Variants in A2M observed in about 807,000 individuals in gnomAD.
The protein encoded by A2M is C3 and PZP-like alpha-2-macroglobulin domain-containing protein 5.
Under a neutral mutation model 183.9 loss-of-function variants are expected in A2M, and 128 were observed. The observed-to-expected ratio is 0.70, with a 90% CI of 0.60 to 0.81. The LOEUF (loss-of-function observed/expected upper bound fraction) is 0.81. A2M is among the 30% of genes least tolerant of loss of function. The probability of loss-of-function intolerance (pLI) is 0.00; values close to 1 mark genes in which losing one functional copy is unlikely to be tolerated. For synonymous variants in A2M, 592 were observed against 670.8 expected (o/e 0.88, Z 1.81); for missense variants, 1,495 against 1,787.6 (o/e 0.84, Z 2.95).
intron 22 of A2M, among the ~76,000 whole-genome samples, chr12:9,083,680 G>A (rs1263412523): frequency 6.8e-6 from 1 of 146,668 alleles, no homozygotes; most frequent in Non-Finnish European, 1.5e-5. Flanking sequence ...TTGCATTAAA[G>A]AAAGTCCAGA....
intron 31 of A2M, among the ~76,000 whole-genome samples, chr12:9,070,896 C>T (rs1948553642): frequency 1.3e-5 from 2 of 151,600 alleles, no homozygotes; most frequent in African/African-American, 2.4e-5. Context: ...TTTCGGCTCA[C>T]CGCAACCTCC....
In A2M at chr12:9,072,797, C is replaced by T. The variant is rs1383603935; in HGVS notation, c.3831G>A (p.Gln1277=). 6.2e-7 allele frequency: 1 copy of T among 1,614,056 alleles called. No individual in the cohort carries two copies. The highest frequency in any genetic ancestry group is 1.3e-5 in the African/African-American group (1 of 74,912). ...ATGTCCCTGAAGACTGGATAGTCACCTGTGCAGCCTTCCCAGTCCTGGTAA... is the reference window on the plus strand; with the variant it reads ...ATGTCCCTGAAGACTGGATAGTCACTTGTGCAGCCTTCCCAGTCCTGGTAA... ...ATFTRTGKAA[Q]VTIQSSGTFS... is the part of the protein sequence containing the mutation. Residue 1277 remains glutamine (Q), a synonymous_variant, in exon 30 of 36, where the codon CAG becomes CAA. Transcript: ENST00000318602.
chr12:9,075,865 A>G (rs1277126030), intron 28 of A2M, among the ~76,000 whole-genome samples: 1 of 152,188 alleles, frequency 6.6e-6, no homozygotes, highest in Non-Finnish European at 1.5e-5. Flanking sequence ...TTCTTAATCT[A>G]TGAGAGAGTT....
chr12:9,074,487 T>C, intron 29 of A2M, 73 bp downstream of exon 29: 1 of 1,383,300 alleles, frequency 7.2e-7, no homozygotes. Flanking sequence ...TCTTCTTGGA[T>C]GTGTTTGTTT....
intron 35 of A2M, 47 bp from the exon 36 acceptor site, chr12:9,067,886 T>A: frequency 6.3e-7 from 1 of 1,576,694 alleles, no homozygotes; most frequent in Non-Finnish European, 8.7e-7. Context: ...TGGGTCTCCA[T>A]GAGCAGAGAG....
chr12:9,116,095 T>C (rs1939098868), upstream of A2M: 2 of 478,066 alleles, frequency 4.2e-6, no homozygotes, highest in Non-Finnish European at 7.8e-6. Context: ...CCTGGAGGGC[T>C]AAAACTACAT....
chr12:9,107,636 T>C lies in A2M; in HGVS notation c.767A>G (p.Tyr256Cys), dbSNP rs1480262373. 2.0e-5 allele frequency: 33 copies of C among 1,613,792 alleles called. No homozygotes were observed. The highest frequency in any genetic ancestry group is 3.3e-4 in the Middle Eastern group (2 of 6,082). The change falls in exon 8 of 36, where the codon TAT (tyrosine) becomes TGT (cysteine). Residue 256 changes from tyrosine to cysteine, a missense_variant. By Grantham distance (194) the Tyr-to-Cys change is radical (BLOSUM62 -2). Transcript: ENST00000318602. ...MNVSVCGLYT[Y>C]GKPVPGHVTV... ...CACATGTCCAGGGACAGGCTTCCCATATGTGTATCTGTCATGAGAACATTC... is the reference window on the plus strand; with the variant it reads ...CACATGTCCAGGGACAGGCTTCCCACATGTGTATCTGTCATGAGAACATTC...
rs775337439 is a variant in A2M at position 9,079,380 on chromosome 12, G to A, written c.3032-49C>T. 9 of 1,534,346 alleles carry A rather than the reference G, an allele frequency of 5.9e-6. 1 individual carries two copies. The South Asian group carries it at 6.8e-5, about 12-fold the overall frequency. On this transcript the variant is annotated intron_variant, in intron 24 of 35. Transcript: ENST00000318602. ...AGCACAATGGATTAATGTGCATGCT[G>A]AGGGTGGAGAAATTACTAAAAGTAC...
At position 9,115,779 on chromosome 12, in the gene A2M, G is replaced by C. The variant is rs1374264522; in HGVS notation, c.71C>G (p.Ser24Ter). 1.1e-5 allele frequency: 17 copies of C among 1,613,082 alleles called. No individual in the cohort carries two copies. The highest frequency in any genetic ancestry group is 1.1e-5 in the Non-Finnish European group (13 of 1,179,166). ...TGGAACTCACGGTTTTCCAGAGACT[G>C]AGGCGTCTGTGGGCAGGAGGACCAA... ...LLLVLLPTDA[S>*]VSGKPQYMVL... Residue 24 changes from serine to a stop codon, truncating the protein, a stop_gained, in exon 1 of 36, where the codon TCA becomes TGA. Transcript: ENST00000318602. LOFTEE classifies it high-confidence loss of function.
At chr12:9,071,832 T>C (rs1948590336) in intron 31 of A2M, among the ~76,000 whole-genome samples, 1 of 152,208 alleles carries the variant, frequency 6.6e-6, no homozygotes, top group African/African-American at 2.4e-5. Flanking sequence ...ACTTTTTTCC[T>C]GAATAGTATC....
At chr12:9,106,139 ATAACAT>A in intron 10 of A2M, 91 bp downstream of exon 10, 1 of 678,486 alleles carries the variant, frequency 1.5e-6, no homozygotes, top group East Asian at 2.6e-5. Context: ...ATATTAAATG[ATAACAT>A]TAACCAGGCA....
At chr12:9,082,658 G>A (rs776457695) in intron 22 of A2M, among the ~76,000 whole-genome samples, 1 of 152,200 alleles carries the variant, frequency 6.6e-6, no homozygotes, top group Non-Finnish European at 1.5e-5. Context: ...ATCAAGGAAT[G>A]ATGACACCTC....
chr12:9,096,498 C>T (rs1035331521), intron 15 of A2M, among the ~76,000 whole-genome samples: 14 of 152,132 alleles, frequency 9.2e-5, no homozygotes, highest in African/African-American at 1.7e-4. Context: ...CCACAGGACA[C>T]GATGGCATTT....
At chr12:9,099,264 G>GT in intron 14 of A2M, 117 bp downstream of exon 14, 1 of 936,042 alleles carries the variant, frequency 1.1e-6, no homozygotes, top group Non-Finnish European at 1.6e-6. Context: ...CTTGCTGAAT[G>GT]TCTCTGGGGA....
chr12:9,076,646 GA>G, intron 28 of A2M, 109 bp downstream of exon 28: 5 of 950,830 alleles, frequency 5.3e-6, no homozygotes, highest in Non-Finnish European at 6.4e-6. Context: ...ATGATATATA[GA>G]AAAGAAGAGA....
chr12:9,072,857 A>AGC lies in A2M; in HGVS notation c.3769_3770dup (p.His1259SerfsTer21). On this transcript the variant is annotated frameshift_variant, in exon 30 of 36. Coordinates refer to ENST00000318602, the MANE Select transcript of A2M (RefSeq NM_000014.6). LOFTEE classifies it high-confidence loss of function. ...CTCCATATTTGGACAGAGCATGGAGAGCCACCACTGTGTCCTGTTAGAGAC... is the reference window on the plus strand; with the variant it reads ...CTCCATATTTGGACAGAGCATGGAGAGCGCCACCACTGTGTCCTGTTAGAGAC... 6.2e-7 allele frequency: 1 copy of AGC among 1,613,892 alleles called. No homozygotes were observed. Among genetic ancestry groups the AGC allele is most frequent in the African/African-American group, 1.3e-5 (1 of 75,032 alleles).
chr12:9,088,565 G>T (rs1027136857), intron 22 of A2M, among the ~76,000 whole-genome samples: 1 of 152,168 alleles, frequency 6.6e-6, no homozygotes, highest in Non-Finnish European at 1.5e-5. Flanking sequence ...TACTAAATTT[G>T]TAGGTAGTCA....
At chr12:9,081,403 GA>G (rs1301419105) in intron 22 of A2M, among the ~76,000 whole-genome samples, 1 of 152,158 alleles carries the variant, frequency 6.6e-6, no homozygotes, top group Non-Finnish European at 1.5e-5. Flanking sequence ...TAATAAAGAG[GA>G]GGATTTTCGT....
chr12:9,080,025 T>C (rs1948862610), intron 23 of A2M, 69 bp downstream of exon 23: 1 of 1,087,332 alleles, frequency 9.2e-7, no homozygotes, highest in Admixed American at 3.0e-5. Context: ...TTAGTAAATA[T>C]TTATGGGAAA....
Sources: gnomAD v4.1 joint callset for allele counts (sites outside exome capture counted in the v4.1 genomes callset) on GRCh38, gnomAD v4.1.1 for gene constraint, MANE v1.5 for transcripts, NCBI Gene and HGNC (gene_info 2026-07-23, HGNC 2026-07-21) for gene names.